The following HS6ST2 variants were observed in gnomAD, a reference collection of about 807,000 sequenced individuals.
HS6ST2 encodes heparan-sulfate 6-O-sulfotransferase 2.
In HS6ST2, 17 loss-of-function variants were observed where a neutral mutation model predicts 33.0. The ratio of observed to expected loss-of-function variants is 0.52; its 90% confidence interval spans 0.35 to 0.77. The LOEUF is 0.77. Among genes scored for constraint, HS6ST2 ranks in the 30% least tolerant of loss-of-function variants. The pLI is 0.01. For missense variants in HS6ST2, 519 were observed against 551.7 expected (o/e 0.94, Z 0.59); for synonymous variants, 248 against 237.1 (o/e 1.05, Z -0.42).
At chrX:132,680,100 G>C (rs1467717759) in intron 3 of HS6ST2, among the ~76,000 whole-genome samples, 1 of 107,662 alleles carries the variant, frequency 9.3e-6, no homozygotes, top group African/African-American at 3.4e-5. Context: ...GTAAAGACAG[G>C]CATAGGAAAT....
chrX:132,809,222 C>T (rs2065314721), intron 2 of HS6ST2, among the ~76,000 whole-genome samples: 1 of 111,841 alleles, frequency 8.9e-6, no homozygotes, highest in South Asian at 3.8e-4. Flanking sequence ...CTCCTGACCT[C>T]AGGTGATCCT....
At chrX:132,929,365 C>T (rs1180847506) in intron 2 of HS6ST2, among the ~76,000 whole-genome samples, 1 of 110,520 alleles carries the variant, frequency 9.0e-6, no homozygotes, top group Non-Finnish European at 1.9e-5. Flanking sequence ...TGGTGTGAGC[C>T]TACCGTCCTA....
chrX:132,722,476 A>G (rs1012885217), intron 2 of HS6ST2, among the ~76,000 whole-genome samples: 1 of 111,899 alleles, frequency 8.9e-6, no homozygotes, highest in Non-Finnish European at 1.9e-5. Context: ...ATATGCATTA[A>G]AAAAGGGATC....
At chrX:132,954,586 T>C (rs201073794) in intron 2 of HS6ST2, among the ~76,000 whole-genome samples, 1 of 112,038 alleles carries the variant, frequency 8.9e-6, no homozygotes, top group Non-Finnish European at 1.9e-5. Context: ...CTGGAACCCC[T>C]AGGCTATCCC....
intron 2 of HS6ST2, among the ~76,000 whole-genome samples, chrX:132,930,121 T>G (rs1384122690): frequency 9.0e-6 from 1 of 111,211 alleles, no homozygotes; most frequent in Admixed American, 9.5e-5. Flanking sequence ...GAAGCTTTTT[T>G]TTTTCGCTTT....
At chrX:132,884,447 A>G (rs2066224683) in intron 2 of HS6ST2, among the ~76,000 whole-genome samples, 1 of 111,655 alleles carries the variant, frequency 9.0e-6, no homozygotes, top group Non-Finnish European at 1.9e-5. Flanking sequence ...TGCAAGAATG[A>G]GTAAGAATAA....
intron 2 of HS6ST2, among the ~76,000 whole-genome samples, chrX:132,770,783 G>A (rs1196622579): frequency 9.0e-6 from 1 of 110,810 alleles, no homozygotes; most frequent in Non-Finnish European, 1.9e-5. Flanking sequence ...AAATTAGTAG[G>A]GCTCTTCTGG....
chrX:132,714,457 T>A (rs931049949), intron 2 of HS6ST2, among the ~76,000 whole-genome samples: 1 of 110,348 alleles, frequency 9.1e-6, no homozygotes, highest in African/African-American at 3.3e-5. Flanking sequence ...GGACTACAGG[T>A]GCCTGCCACC....
intron 3 of HS6ST2, chrX:132,669,848 T>C (rs1253105974): frequency 1.8e-5 from 2 of 112,735 alleles, no homozygotes; most frequent in Admixed American, 9.3e-5. Context: ...GCCTGCTTAA[T>C]CTCATCAGGT....
chrX:132,903,879 G>A (rs2066447724), intron 2 of HS6ST2, among the ~76,000 whole-genome samples: 1 of 111,900 alleles, frequency 8.9e-6, no homozygotes, highest in Non-Finnish European at 1.9e-5. Context: ...ATGTTATGTT[G>A]CAGTAATTGA....
intron 2 of HS6ST2, among the ~76,000 whole-genome samples, chrX:132,757,302 C>G (rs904799239): frequency 1.8e-5 from 2 of 111,750 alleles, no homozygotes; most frequent in African/African-American, 6.5e-5. Flanking sequence ...TCTGAGAAGT[C>G]AGAGAGGAGA....
At chrX:132,804,419 A>T (rs1312663263) in intron 2 of HS6ST2, among the ~76,000 whole-genome samples, 1 of 112,093 alleles carries the variant, frequency 8.9e-6, no homozygotes, top group African/African-American at 3.2e-5. Context: ...ATCTTGAGGA[A>T]GAAGGCAGAA....
chrX:132,938,790 A>G (rs748126029), intron 2 of HS6ST2, among the ~76,000 whole-genome samples: 1 of 112,500 alleles, frequency 8.9e-6, no homozygotes, highest in Non-Finnish European at 1.9e-5. Context: ...AATAAAATTC[A>G]TCAACACTGA....
chrX:132,925,448 T>A (rs919710086), intron 2 of HS6ST2, among the ~76,000 whole-genome samples: 2 of 112,098 alleles, frequency 1.8e-5, no homozygotes, highest in African/African-American at 6.5e-5. Flanking sequence ...TTGAGATAGA[T>A]GTCTGAAGGG....
At chrX:132,773,122 G>T (rs1461073146) in intron 2 of HS6ST2, among the ~76,000 whole-genome samples, 2 of 94,702 alleles carry the variant, frequency 2.1e-5, no homozygotes, top group Admixed American at 1.3e-4. Flanking sequence ...TAATATTAAA[G>T]ATATTAATAT....
At chrX:132,819,500 G>A (rs2065430924) in intron 2 of HS6ST2, among the ~76,000 whole-genome samples, 1 of 111,856 alleles carries the variant, frequency 8.9e-6, no homozygotes, top group Admixed American at 9.5e-5. Context: ...GGCCCCATCA[G>A]TAGCACCAAC....
At chrX:132,629,212 GGGATCTGA>G in intron 4 of HS6ST2, 119 bp from the exon 5 acceptor site, 1 of 749,978 alleles carries the variant, frequency 1.3e-6, no homozygotes, top group Admixed American at 3.3e-5. Context: ...AAAAATGACA[GGGATCTGA>G]TGGCATTTGT....
At chrX:132,836,240 A>T in intron 2 of HS6ST2, among the ~76,000 whole-genome samples, 1 of 112,205 alleles carries the variant, frequency 8.9e-6, no homozygotes. Context: ...TGGGTTACAG[A>T]TGTGGCATCA....
intron 2 of HS6ST2, among the ~76,000 whole-genome samples, chrX:132,883,508 G>T (rs146108002): frequency 0.019 from 2,111 of 110,927 alleles, 50 homozygotes; most frequent in African/African-American, 0.065. Flanking sequence ...TTAACCAACA[G>T]CTTTTTATTG....
Sources: gnomAD v4.1 joint callset for allele counts (sites outside exome capture counted in the v4.1 genomes callset) on GRCh38, gnomAD v4.1.1 for gene constraint, MANE v1.5 for transcripts, NCBI Gene and HGNC (gene_info 2026-07-23, HGNC 2026-07-21) for gene names.